Variants in CORO2B observed in about 807,000 individuals in gnomAD.
The protein encoded by CORO2B is coronin 2B, also known as coronin-2B.
Under a neutral mutation model 58.8 loss-of-function variants are expected in CORO2B, and 26 were observed. The observed-to-expected ratio is 0.44, with a 90% CI of 0.32 to 0.61. The LOEUF (loss-of-function observed/expected upper bound fraction) is 0.61, where lower values mean the gene tolerates loss of function less well. Ranked by LOEUF, CORO2B falls within the 20% of genes least tolerant of loss-of-function variation. The pLI, the probability that CORO2B is intolerant of heterozygous loss-of-function variation, is 0.04. For missense variants in CORO2B, 460 were observed against 645.1 expected (o/e 0.71, Z 3.11); for synonymous variants, 242 against 253.8 (o/e 0.95, Z 0.44).
chr15:68,538,076 T>A, the CORO2B span, among the ~76,000 whole-genome samples: 1 of 152,264 alleles, frequency 6.6e-6, no homozygotes, highest in Non-Finnish European at 1.5e-5. Context: ...TACCTTTAAC[T>A]ATTCAGAGAA....
At chr15:68,590,192 G>C (rs1461514341) in intron 1 of CORO2B, among the ~76,000 whole-genome samples, 1 of 152,140 alleles carries the variant, frequency 6.6e-6, no homozygotes. Context: ...GTGGAGGGAA[G>C]GGGAGAGGGT....
At chr15:68,539,348 T>C in the CORO2B span, among the ~76,000 whole-genome samples, 2 of 152,166 alleles carry the variant, frequency 1.3e-5, no homozygotes, top group Non-Finnish European at 2.9e-5. Context: ...AGTCAGTAAA[T>C]TGATAACTGG....
At chr15:68,711,461 G>A in intron 4 of CORO2B, 81 bp from the exon 5 acceptor site, 1 of 1,305,224 alleles carries the variant, frequency 7.7e-7, no homozygotes, top group South Asian at 1.4e-5. Flanking sequence ...TTCTCCCAGG[G>A]CAGTCAAGTG....
At chr15:68,617,534 T>G (rs1900394357) in intron 1 of CORO2B, among the ~76,000 whole-genome samples, 1 of 152,208 alleles carries the variant, frequency 6.6e-6, no homozygotes, top group Non-Finnish European at 1.5e-5. Flanking sequence ...TGTGTATGTG[T>G]GTGTCTGTGA....
At chr15:68,588,620 G>A (rs1899625790) in intron 1 of CORO2B, among the ~76,000 whole-genome samples, 1 of 152,140 alleles carries the variant, frequency 6.6e-6, no homozygotes, top group Non-Finnish European at 1.5e-5. Context: ...GATACCTCCC[G>A]ATGCCCCCAG....
At chr15:68,597,053 A>G (rs1264448501) in intron 1 of CORO2B, among the ~76,000 whole-genome samples, 1 of 151,720 alleles carries the variant, frequency 6.6e-6, no homozygotes, top group African/African-American at 2.4e-5. Context: ...CAACCTCATT[A>G]GTATTTTGAG....
chr15:68,628,274 A>G (rs1488423628), intron 1 of CORO2B, among the ~76,000 whole-genome samples: 1 of 152,176 alleles, frequency 6.6e-6, no homozygotes. Context: ...CACCCTATGG[A>G]GTGGAAGGCC....
intron 2 of CORO2B, among the ~76,000 whole-genome samples, chr15:68,657,263 T>C (rs995377879): frequency 6.6e-6 from 1 of 152,124 alleles, no homozygotes; most frequent in Non-Finnish European, 1.5e-5. Flanking sequence ...ACACCTGTAA[T>C]CCCAGCACTT....
At chr15:68,666,319 C>T (rs1381920629) in intron 2 of CORO2B, among the ~76,000 whole-genome samples, 3 of 152,152 alleles carry the variant, frequency 2.0e-5, no homozygotes, top group Admixed American at 1.3e-4. Context: ...AGTTCCCTTT[C>T]CAAGGTGTCA....
At chr15:68,721,893 G>A (rs192910628) in intron 11 of CORO2B, among the ~76,000 whole-genome samples, 227 of 152,128 alleles carry the variant, frequency 1.5e-3, no homozygotes, top group African/African-American at 5.1e-3. Flanking sequence ...AACTAGCGGC[G>A]TGTACCACCA....
chr15:68,573,285 T>G, the CORO2B span, among the ~76,000 whole-genome samples: 2 of 151,856 alleles, frequency 1.3e-5, no homozygotes, highest in African/African-American at 2.4e-5. Flanking sequence ...AGAAAGAGAC[T>G]AGCAGTGGGA....
chr15:68,526,028 A>G, the CORO2B span, among the ~76,000 whole-genome samples: 1 of 151,982 alleles, frequency 6.6e-6, no homozygotes, highest in South Asian at 2.1e-4. Context: ...ATAAGTATGT[A>G]CTCTTTCACA....
the CORO2B span, among the ~76,000 whole-genome samples, chr15:68,565,757 G>A: frequency 2.6e-5 from 4 of 152,284 alleles, no homozygotes; most frequent in South Asian, 2.1e-4. Flanking sequence ...TCATGCTCAC[G>A]CCTCTCATTC....
chr15:68,648,330 TAA>T (rs35889202), intron 2 of CORO2B, among the ~76,000 whole-genome samples: 35 of 113,562 alleles, frequency 3.1e-4, no homozygotes, highest in Middle Eastern at 4.7e-3. Flanking sequence ...AGATTCCAGC[TAA>T]AAAAAAAAAA....
chr15:68,520,916 G>A, the CORO2B span, among the ~76,000 whole-genome samples: 31 of 152,268 alleles, frequency 2.0e-4, no homozygotes, highest in East Asian at 4.6e-3. Flanking sequence ...AGCCATGATG[G>A]CGTGCACCTG....
In CORO2B at chr15:68,617,847, C is replaced by T. The variant is rs1161875803; in HGVS notation, c.16-27313C>T. On this transcript the variant is annotated intron_variant, in intron 1 of 11. Transcript: ENST00000261861. ...GGGTGAGCCCTGTGCCTGAATGGGG[C>T]CCTTAGAGATTGTGGCTGAATGTGG... 2.0e-5 allele frequency among the ~76,000 whole-genome samples: 3 copies of T among 152,232 alleles called. No individual in the cohort carries two copies. The East Asian group carries it at 5.8e-4, about 29-fold the overall frequency.
chr15:68,642,423 C>G (rs1483728588), intron 1 of CORO2B, among the ~76,000 whole-genome samples: 2 of 152,070 alleles, frequency 1.3e-5, no homozygotes, highest in Admixed American at 6.5e-5. Context: ...GCAGACCATC[C>G]CCGGTGCCCA....
the CORO2B span, among the ~76,000 whole-genome samples, chr15:68,535,026 TGA>T: frequency 6.6e-6 from 1 of 152,182 alleles, no homozygotes; most frequent in East Asian, 1.9e-4. Flanking sequence ...CCACAGCATG[TGA>T]GAGTTATGGG....
intron 1 of CORO2B, among the ~76,000 whole-genome samples, chr15:68,599,744 G>T (rs534456965): frequency 1.3e-5 from 2 of 152,116 alleles, no homozygotes; most frequent in Non-Finnish European, 1.5e-5. Flanking sequence ...CCCTCCCCAG[G>T]CTCTCCCCTC....
Sources: allele counts gnomAD v4.1 joint callset (sites outside exome capture counted in the v4.1 genomes callset), GRCh38; gene constraint gnomAD v4.1.1; transcripts MANE v1.5; gene names NCBI Gene and HGNC (gene_info 2026-07-23, HGNC 2026-07-21).